MED14: variants seen among roughly 807,000 people sequenced by gnomAD.
MED14 encodes the protein mediator of RNA polymerase II transcription subunit 14.
In MED14, 8 loss-of-function variants were observed where a neutral mutation model predicts 109.0. The observed-to-expected ratio is 0.07, with a 90% CI of 0.04 to 0.13. MED14 has a LOEUF of 0.13. Among genes scored for constraint, MED14 ranks in the 10% least tolerant of loss-of-function variants. MED14 has a pLI of 1.00. For missense variants in MED14, 711 were observed against 1,142.4 expected (o/e 0.62, Z 5.44); for synonymous variants, 399 against 408.7 (o/e 0.98, Z 0.29).
In MED14 at chrX:40,709,391, T is replaced by C. The variant is rs1345284307; in HGVS notation, c.1242A>G (p.Gln414=). ...AGCCTCTAAGAATGGCCTTCAGTTC[T>C]TGGAGCTTCTGATGAGCTCTTGCAT... ...SVHARAHQKL[Q]ELKAILRGFN... The change falls in exon 10 of 31, where the codon CAA becomes CAG. Residue 414 remains glutamine, a synonymous_variant. Transcript: ENST00000324817. 2 of 1,155,321 alleles carry C rather than the reference T, an allele frequency of 1.7e-6. No homozygotes were observed. Among genetic ancestry groups the C allele is most frequent in the Admixed American group, 2.3e-5 (1 of 43,748 alleles).
At chrX:40,699,156 C>T (rs1930830456) in intron 12 of MED14, among the ~76,000 whole-genome samples, 2 of 111,991 alleles carry the variant, frequency 1.8e-5, no homozygotes, top group South Asian at 7.3e-4. Flanking sequence ...TGAAAGAAGC[C>T]AGTCACAAAA....
chrX:40,707,938 G>A (rs768190052), intron 10 of MED14, among the ~76,000 whole-genome samples: 8 of 111,645 alleles, frequency 7.2e-5, no homozygotes, highest in African/African-American at 2.6e-4. Context: ...AAAAAAAGAC[G>A]AAAAGGCAGT....
chrX:40,729,674 A>C, intron 1 of MED14: 1 of 194,019 alleles, frequency 5.2e-6, no homozygotes, highest in Non-Finnish European at 9.4e-6. Context: ...TAAGACCAAA[A>C]TGGTCACAGA....
Position 40,718,191 on chromosome X carries a change from T to G in MED14, c.349-3481A>C, listed in dbSNP as rs144570230. 6.9e-4 allele frequency among the ~76,000 whole-genome samples: 78 copies of G among 112,420 alleles called. 2 individuals carry two copies. In the East Asian group the frequency reaches 0.019, roughly 28 times the overall value. On this transcript the variant is annotated intron_variant, in intron 3 of 30. Transcript: ENST00000324817. ...ATGCTACCTTCTATGACTAGTACAA[T>G]GAATTTCTATCAATGCCACCAACAC...
At chrX:40,714,408 G>C (rs1931443112) in intron 4 of MED14, 129 bp downstream of exon 4, 1 of 676,399 alleles carries the variant, frequency 1.5e-6, no homozygotes, top group Non-Finnish European at 2.1e-6. Context: ...TTTAGTTACA[G>C]AGAAAAAAAG....
intron 12 of MED14, 67 bp downstream of exon 12, chrX:40,701,098 G>T: frequency 1.3e-6 from 1 of 788,277 alleles, no homozygotes; most frequent in Non-Finnish European, 1.9e-6. Context: ...AGTAATGATG[G>T]AGAAGAAAAC....
Position 40,650,237 on chromosome X carries a change from T to C in MED14, c.*1569A>G, listed in dbSNP as rs1928813361. ...CAACTGCTCCTGAACAGTGGCAGAG[T>C]TGGGTGAGAAGTGGGAGATGAAGGC... On this transcript the variant is annotated 3_prime_UTR_variant, in exon 31 of 31. Transcript: ENST00000324817. 1.2e-5 allele frequency: 9 copies of C among 752,622 alleles called. No homozygotes were observed. Among genetic ancestry groups the C allele is most frequent in the Non-Finnish European group, 1.4e-5 (9 of 638,487 alleles). 62.0% of individuals were successfully genotyped at this position (752,622 alleles called of 1,213,427 possible).
At chrX:40,683,065 A>C in intron 16 of MED14, 69 bp from the exon 17 acceptor site, 1 of 924,758 alleles carries the variant, frequency 1.1e-6, no homozygotes, top group Non-Finnish European at 1.5e-6. Flanking sequence ...AATGACAGAC[A>C]AGGTATGACA....
At chrX:40,681,714 C>T (rs1930116990) in intron 19 of MED14, 138 bp downstream of exon 19, 1 of 394,908 alleles carries the variant, frequency 2.5e-6, no homozygotes, top group African/African-American at 2.6e-5. Context: ...TTTATAGCCA[C>T]AAAGCATTTA....
At chrX:40,696,859 A>T (rs1022203470) in intron 13 of MED14, among the ~76,000 whole-genome samples, 165 bp downstream of exon 13, 1 of 111,889 alleles carries the variant, frequency 8.9e-6, no homozygotes, top group Non-Finnish European at 1.9e-5. Flanking sequence ...ATGTTCCCCA[A>T]CTGAGACGTG....
intron 23 of MED14, among the ~76,000 whole-genome samples, chrX:40,669,627 A>G (rs1028144846): frequency 4.5e-5 from 5 of 112,024 alleles, no homozygotes; most frequent in African/African-American, 1.3e-4. Flanking sequence ...CAGTTGTACA[A>G]ATTTAACCCA....
intron 16 of MED14, among the ~76,000 whole-genome samples, chrX:40,683,264 A>C (rs149033564): frequency 0.023 from 2,536 of 112,344 alleles, 75 homozygotes; most frequent in African/African-American, 0.077. Flanking sequence ...ACAGAATGAA[A>C]ATCAAGAATA....
At chrX:40,695,217 C>T (rs1930682410) in intron 13 of MED14, among the ~76,000 whole-genome samples, 1 of 111,793 alleles carries the variant, frequency 8.9e-6, no homozygotes, top group Non-Finnish European at 1.9e-5. Flanking sequence ...CTGTTCTGTG[C>T]CCTGAGATGG....
At chrX:40,688,762 A>G (rs138515980) in intron 15 of MED14, among the ~76,000 whole-genome samples, 2,499 of 111,520 alleles carry the variant, frequency 0.022, 76 homozygotes, top group African/African-American at 0.076. Flanking sequence ...ACACCTCCAC[A>G]AGTGGCAAAT....
intron 7 of MED14, 45 bp from the exon 8 acceptor site, chrX:40,711,346 C>A: frequency 9.6e-7 from 1 of 1,047,029 alleles, no homozygotes; most frequent in Non-Finnish European, 1.3e-6. Context: ...CACCAACAGT[C>A]AATCAAGTCC....
chrX:40,663,238 AT>A, intron 25 of MED14, 78 bp from the exon 26 acceptor site: 1 of 760,457 alleles, frequency 1.3e-6, no homozygotes, highest in Non-Finnish European at 2.0e-6. Flanking sequence ...TTCATCATAA[AT>A]CTTTGATGTT....
At position 40,692,812 on chromosome X, in the gene MED14, T is replaced by C. The variant is rs1347539560; in HGVS notation, c.1741A>G (p.Ser581Gly). The C allele has an allele frequency of 3.3e-6, 4 of 1,209,361 alleles. No individual in the cohort carries two copies. The Middle Eastern group carries it at 6.9e-4, about 209-fold the overall frequency. The change falls in exon 14 of 31, where the codon AGC becomes GGC. Residue 581 changes from serine to glycine, a missense_variant. This residue lies in a region of MED14 where 388 missense variants were observed against 517.3 expected (regional missense o/e 0.75). Transcript: ENST00000324817. ...MSVNAADRED[S>G]PAMALLLQQF... ...TGCAGCAGCAATGCCATTGCAGGGC[T>C]GTCTTCACGATCTGCAGCATTCACA... is the stretch of plus-strand genomic sequence containing the variant.
chrX:40,667,144 T>C lies in MED14; in HGVS notation c.3134-293A>G, dbSNP rs147379750. On this transcript the variant is annotated intron_variant, in intron 23 of 30. Coordinates refer to ENST00000324817, the MANE Select transcript of MED14 (RefSeq NM_004229.4). ...TGAATGCCAACTTCATGCCAAGCAC[T>C]GTTTCAGGCATTGGGGATGCAGCAG... 5.1e-3 allele frequency among the ~76,000 whole-genome samples: 566 copies of C among 112,057 alleles called. 5 individuals carry two copies. Among genetic ancestry groups the C allele is most frequent in the African/African-American group, 0.018 (541 of 30,826 alleles).
In MED14 at chrX:40,659,506, C is replaced by T. The variant is rs1227285121; in HGVS notation, c.3786G>A (p.Gln1262=). 5 of 1,210,073 alleles carry T rather than the reference C, an allele frequency of 4.1e-6. No homozygotes were observed. The highest frequency in any genetic ancestry group is 5.6e-6 in the Non-Finnish European group (5 of 894,994). The change falls in exon 27 of 31, where the codon CAG becomes CAA. Residue 1262 remains glutamine (Q), a synonymous_variant. Transcript: ENST00000324817. ...ALSPKTNQTL[Q]LKVTPENAGQ... is the part of the protein sequence containing the mutation. ...CTGCATTTTCAGGTGTCACTTTTAG[C>T]TGAAGCGTTTGGTTGGTTTTGGGAC...
Sources: gnomAD v4.1 joint callset for allele counts (sites outside exome capture counted in the v4.1 genomes callset) on GRCh38, gnomAD v4.1.1 for gene constraint, gnomAD v4.1.1 regional missense constraint, MANE v1.5 for transcripts, NCBI Gene and HGNC (gene_info 2026-07-23, HGNC 2026-07-21) for gene names.